P4HB: variants seen among roughly 807,000 people sequenced by gnomAD.
P4HB encodes protein disulfide-isomerase.
A neutral mutation model predicts 52.6 loss-of-function variants in P4HB; 20 were observed. The ratio of observed to expected loss-of-function variants is 0.38; its 90% confidence interval spans 0.27 to 0.55. The LOEUF is 0.55. Among genes scored for constraint, P4HB ranks in the 20% least tolerant of loss-of-function variants. P4HB has a pLI of 0.74. For synonymous variants in P4HB, 296 were observed against 277.9 expected (o/e 1.07, Z -0.65); for missense variants, 601 against 669.2 (o/e 0.90, Z 1.12).
chr17:81,855,653 C>T lies in P4HB; in HGVS notation c.353-67G>A, dbSNP rs2143355019. 6.4e-7 allele frequency: 1 copy of T among 1,550,664 alleles called. No individual in the cohort carries two copies. Among genetic ancestry groups the T allele is most frequent in the East Asian group, 2.3e-5 (1 of 44,334 alleles). The stretch of plus-strand genomic sequence containing the variant: ...TGCCGCCTGCCCTGCCGCGCCTGCT[C>T]CCGTCTCTGCTCTCTGCCAGCCAGG... On this transcript the variant is annotated intron_variant, in intron 2 of 10. Transcript: ENST00000331483. The surrounding 1 kb of genome is among the most constrained non-coding windows in gnomAD (Gnocchi z 4.3).
In P4HB at chr17:81,855,370, G is replaced by A. The variant is rs112093718; in HGVS notation, c.486+83C>T. 1.6e-5 allele frequency: 26 copies of A among 1,596,070 alleles called. No individual in the cohort carries two copies. Among genetic ancestry groups the A allele is most frequent in the South Asian group, 4.5e-5 (4 of 89,564 alleles). ...GTAGAGCCCAGGCCAGGGGGGACAC[G>A]TGCAGAACTGCCAGCTGCAGGCTGT... On this transcript the variant is annotated intron_variant, in intron 3 of 10. Coordinates refer to ENST00000331483, the MANE Select transcript of P4HB (RefSeq NM_000918.4). The surrounding 1 kb of genome is among the most constrained non-coding windows in gnomAD (Gnocchi z 4.3).
rs368134092 is a variant in P4HB, at chr17:81,859,251, G to A, written c.282C>T (p.Tyr94=). Residue 94 remains tyrosine (Y), a synonymous_variant, in exon 2 of 11, where the codon TAC becomes TAT. Coordinates refer to ENST00000331483, the MANE Select transcript of P4HB (RefSeq NM_000918.4). ...ATEESDLAQQ[Y]GVRGYPTIKF... Reference sequence around the variant, plus strand: ...TGATGGTGGGATAGCCGCGCACGCCGTACTGCTGGGCCAGGTCAGACTCCT... The same window carrying A: ...TGATGGTGGGATAGCCGCGCACGCCATACTGCTGGGCCAGGTCAGACTCCT... The A allele has an allele frequency of 4.0e-5, 65 of 1,614,010 alleles. No individual in the cohort carries two copies. The Middle Eastern group carries it at 6.6e-4, about 16-fold the overall frequency.
intron 2 of P4HB, among the ~76,000 whole-genome samples, chr17:81,857,562 T>C (rs1454525497): frequency 1.3e-5 from 2 of 152,144 alleles, no homozygotes; most frequent in East Asian, 3.9e-4. Context: ...AACTCAAAAC[T>C]CAGTGCCAGT....
At chr17:81,859,129 G>C in intron 2 of P4HB, 52 bp downstream of exon 2, 1 of 1,551,848 alleles carries the variant, frequency 6.4e-7, no homozygotes, top group Non-Finnish European at 8.9e-7. Flanking sequence ...CTTCCAAGTC[G>C]GCAGGCCAGT....
At position 81,855,030 on chromosome 17, in the gene P4HB, A is replaced by G. The variant is rs546744802; in HGVS notation, c.624+112T>C. 9.6e-7 allele frequency: 1 copy of G among 1,043,566 alleles called. No individual in the cohort carries two copies. Among genetic ancestry groups the G allele is most frequent in the East Asian group, 2.4e-5 (1 of 42,068 alleles). The allele number at this position is 1,043,566 out of a possible 1,614,324, so 64.6% of individuals were successfully genotyped here. ...CTTGGCAAAGCTGCAGAACATACCTATTGGGCCAAAGGTGCCAGGAGCAAG... is the reference window on the plus strand; with the variant it reads ...CTTGGCAAAGCTGCAGAACATACCTGTTGGGCCAAAGGTGCCAGGAGCAAG... On this transcript the variant is annotated intron_variant, in intron 4 of 10. Transcript: ENST00000331483. This position sits in a 1 kb window ranked among gnomAD's most constrained non-coding sequence, Gnocchi z 4.3.
At chr17:81,851,981 G>C (rs989915442) in intron 4 of P4HB, among the ~76,000 whole-genome samples, 1 of 152,176 alleles carries the variant, frequency 6.6e-6, no homozygotes, top group African/African-American at 2.4e-5. Context: ...TCAGAAGTTC[G>C]AGACCAGCCT....
chr17:81,846,726 T>C lies in P4HB; in HGVS notation c.856-97A>G. 4.5e-6 allele frequency: 6 copies of C among 1,345,484 alleles called. No individual in the cohort carries two copies. Among genetic ancestry groups the C allele is most frequent in the Non-Finnish European group, 4.2e-6 (4 of 961,774 alleles). 83.3% of individuals were successfully genotyped at this position (1,345,484 alleles called of 1,614,324 possible). A position where few individuals can be genotyped will look rare whatever the true frequency, so the allele number is the denominator to read the frequency against. ...GAAGCAGACCGTGCTCCGGTGCCTT[T>C]TTCCTCCAACCTGGATTCCGGGGTT... On this transcript the variant is annotated intron_variant, in intron 6 of 10. Transcript: ENST00000331483. The surrounding 1 kb of genome is among the most constrained non-coding windows in gnomAD (Gnocchi z 5.7).
Position 81,846,515 on chromosome 17 carries a change from T to C in P4HB, c.970A>G (p.Met324Val). The C allele has an allele frequency of 1.2e-6, 2 of 1,613,950 alleles. No homozygotes were observed. The highest frequency in any genetic ancestry group is 1.3e-5 in the African/African-American group (1 of 74,998). Residue 324 changes from methionine (M) to valine (V), a missense_variant, in exon 7 of 11, where the codon ATG becomes GTG. By Grantham distance (21) the Met-to-Val change is conservative. Coordinates refer to ENST00000331483, the MANE Select transcript of P4HB (RefSeq NM_000918.4). This position sits in a 1 kb window ranked among gnomAD's most constrained non-coding sequence, Gnocchi z 5.7. ...TCCGATTCGGGCTTGTACTTGGTCA[T>C]CTCCTCCTCCAGGGTGATGAGGCGC... ...AVRLITLEEE[M>V]TKYKPESEEL...
At chr17:81,856,334 C>T (rs1301643816) in intron 2 of P4HB, among the ~76,000 whole-genome samples, 1 of 130,910 alleles carries the variant, frequency 7.6e-6, no homozygotes, top group East Asian at 2.1e-4. Context: ...ACCCAACTAA[C>T]TTTTTTTTTT....
At position 81,855,467 on chromosome 17, in the gene P4HB, T is replaced by C. The variant is rs199618174; in HGVS notation, c.472A>G (p.Ile158Val). 1.2e-6 allele frequency: 2 copies of C among 1,612,866 alleles called. No homozygotes were observed. Among genetic ancestry groups the C allele is most frequent in the Non-Finnish European group, 8.5e-7 (1 of 1,179,316 alleles). Residue 158 changes from isoleucine (I) to valine (V), a missense_variant, in exon 3 of 11, where the codon ATC (isoleucine) becomes GTC (valine). Transcript: ENST00000331483. This position sits in a 1 kb window ranked among gnomAD's most constrained non-coding sequence, Gnocchi z 4.3. ...SLVESSEVAV[I>V]GFFKDVESDS... ...CTGGTCTCTACCTTGAAGAAGCCGA[T>C]GACAGCCACCTCGCTGGACTCCACC...
chr17:81,857,426 G>C (rs1001773478), intron 2 of P4HB, among the ~76,000 whole-genome samples: 2 of 152,206 alleles, frequency 1.3e-5, no homozygotes, highest in Admixed American at 6.5e-5. Flanking sequence ...TGGGATTACA[G>C]GCATGAGCCA....
chr17:81,858,310 G>A (rs1429766686), intron 2 of P4HB, among the ~76,000 whole-genome samples: 1 of 150,698 alleles, frequency 6.6e-6, no homozygotes, highest in African/African-American at 2.4e-5. Context: ...CAAGTGAGAG[G>A]CAACCACAGA....
intron 9 of P4HB, 30 bp downstream of exon 9, chr17:81,845,531 G>C: frequency 6.4e-7 from 1 of 1,552,966 alleles, no homozygotes; most frequent in Non-Finnish European, 8.7e-7. Flanking sequence ...CCCAGAGCCC[G>C]CCCCAGCCCC....
chr17:81,849,229 T>G (rs1013270786), intron 4 of P4HB, among the ~76,000 whole-genome samples: 9 of 151,684 alleles, frequency 5.9e-5, no homozygotes, highest in Non-Finnish European at 1.0e-4. Flanking sequence ...GCGTGGTGGC[T>G]CACGCCTGTA....
chr17:81,843,785 C>G lies in P4HB; in HGVS notation c.*227G>C. ...CATGGTTTCAGGAAACAAGCCCCAC[C>G]AGGGTGGGCTGCCTGGAGATGGATC... On this transcript the variant is annotated 3_prime_UTR_variant, in exon 11 of 11. Coordinates refer to ENST00000331483, the MANE Select transcript of P4HB (RefSeq NM_000918.4). 1 of 597,458 alleles carries G rather than the reference C, an allele frequency of 1.7e-6. No homozygotes were observed. Among genetic ancestry groups the G allele is most frequent in the Non-Finnish European group, 3.0e-6 (1 of 336,280 alleles). 37.0% of individuals were successfully genotyped at this position (597,458 alleles called of 1,614,324 possible). A position where few individuals can be genotyped will look rare whatever the true frequency, so the allele number is the denominator to read the frequency against.
chr17:81,859,066 C>G, intron 2 of P4HB, 115 bp downstream of exon 2: 1 of 874,746 alleles, frequency 1.1e-6, no homozygotes, highest in Non-Finnish European at 1.9e-6. Flanking sequence ...GAACGGGATC[C>G]CTCCAAGCCT....
At chr17:81,845,335 G>T in intron 9 of P4HB, 105 bp from the exon 10 acceptor site, 1 of 1,004,306 alleles carries the variant, frequency 1.0e-6, no homozygotes, top group Non-Finnish European at 1.5e-6. Flanking sequence ...CCGGTCCGGT[G>T]GCTCACACCC....
chr17:81,846,765 A>C lies in P4HB; in HGVS notation c.856-136T>G, dbSNP rs1001555130. Reference sequence around the variant, plus strand: ...GATTCCGGGGTTGCCCAACCAGACCAGCAGGTGACTGGGAGCAGAGGTCTG... The same window carrying C: ...GATTCCGGGGTTGCCCAACCAGACCCGCAGGTGACTGGGAGCAGAGGTCTG... On this transcript the variant is annotated intron_variant, in intron 6 of 10. Transcript: ENST00000331483. The surrounding 1 kb of genome is among the most constrained non-coding windows in gnomAD (Gnocchi z 5.7). 1 of 1,197,458 alleles carries C rather than the reference A, an allele frequency of 8.4e-7. No individual in the cohort carries two copies. Among genetic ancestry groups the C allele is most frequent in the Non-Finnish European group, 1.2e-6 (1 of 833,926 alleles). 74.2% of individuals were successfully genotyped at this position (1,197,458 alleles called of 1,614,324 possible). A position where few individuals can be genotyped will look rare whatever the true frequency, so the allele number is the denominator to read the frequency against.
chr17:81,859,059 C>T (rs1320842462), intron 2 of P4HB, 122 bp downstream of exon 2: 2 of 819,088 alleles, frequency 2.4e-6, no homozygotes, highest in East Asian at 2.5e-5. Context: ...GCCTGAGGAA[C>T]GGGATCCCTC....
Sources: gnomAD v4.1 joint callset for allele counts (sites outside exome capture counted in the v4.1 genomes callset) on GRCh38, gnomAD v4.1.1 for gene constraint, Gnocchi (gnomAD v3.1) non-coding constraint, MANE v1.5 for transcripts, NCBI Gene and HGNC (gene_info 2026-07-23, HGNC 2026-07-21) for gene names.